TNRC6C: variants seen among roughly 807,000 people sequenced by gnomAD.
The protein encoded by TNRC6C is trinucleotide repeat containing adaptor 6C.
In TNRC6C, 20 loss-of-function variants were observed where a neutral mutation model predicts 153.7. The ratio of observed to expected loss-of-function variants is 0.13; its 90% CI spans 0.09 to 0.19. The LOEUF is 0.19. Among genes scored for constraint, TNRC6C ranks in the 10% least tolerant of loss-of-function variants. The pLI, the probability that TNRC6C is intolerant of heterozygous loss-of-function variation, is 1.00. For synonymous variants in TNRC6C, 811 were observed against 841.4 expected (o/e 0.96, Z 0.63); for missense variants, 1,987 against 2,172.0 (o/e 0.91, Z 1.69).
At chr17:77,986,582 A>G (rs568229381) in intron 1 of TNRC6C, among the ~76,000 whole-genome samples, 4 of 152,342 alleles carry the variant, frequency 2.6e-5, no homozygotes, top group Admixed American at 6.5e-5. Context: ...GAGCATGACA[A>G]TATGGTTGTA....
intron 13 of TNRC6C, among the ~76,000 whole-genome samples, chr17:78,089,338 T>G (rs2073355388): frequency 6.6e-6 from 1 of 152,246 alleles, no homozygotes; most frequent in African/African-American, 2.4e-5. Context: ...ATCTTTGAAA[T>G]TAGTTGAAAA....
intron 1 of TNRC6C, among the ~76,000 whole-genome samples, chr17:77,996,950 A>G (rs2071337716): frequency 6.6e-6 from 1 of 152,174 alleles, no homozygotes; most frequent in Non-Finnish European, 1.5e-5. Flanking sequence ...CAGTTCATCA[A>G]CCTTATTTCA....
intron 9 of TNRC6C, among the ~76,000 whole-genome samples, chr17:78,078,386 A>G (rs1277750970): frequency 2.0e-5 from 3 of 152,240 alleles, no homozygotes; most frequent in Non-Finnish European, 4.4e-5. Context: ...AACTACAGCT[A>G]CAATATCTTT....
intron 16 of TNRC6C, among the ~76,000 whole-genome samples, chr17:78,096,234 A>G (rs2073483944): frequency 3.9e-5 from 6 of 152,142 alleles, no homozygotes; most frequent in Admixed American, 3.9e-4. Flanking sequence ...AACACAAAGA[A>G]GGGAGCAGCA....
chr17:78,090,126 C>T (rs980808545), intron 13 of TNRC6C, among the ~76,000 whole-genome samples: 1 of 152,168 alleles, frequency 6.6e-6, no homozygotes, highest in Non-Finnish European at 1.5e-5. Flanking sequence ...GTTAGGTCTG[C>T]GAAGTGTGTG....
chr17:78,106,536 ACAAAAC>A (rs2073699031), exon 20 of TNRC6C: 1 of 149,518 alleles, frequency 6.7e-6, no homozygotes, highest in African/African-American at 2.5e-5. Flanking sequence ...AAAAAAAAAA[ACAAAAC>A]AAAACAAAAA....
At chr17:78,004,015 T>A (rs1324598903), upstream of TNRC6C, 3 of 739,858 alleles carry the variant, frequency 4.1e-6, no homozygotes, top group Non-Finnish European at 5.0e-6. Flanking sequence ...CCTGCAGTGC[T>A]GTTAGGGAAG....
At chr17:78,039,793 G>T (rs182834539) in intron 2 of TNRC6C, among the ~76,000 whole-genome samples, 5 of 152,346 alleles carry the variant, frequency 3.3e-5, no homozygotes, top group Non-Finnish European at 7.3e-5. Flanking sequence ...ACAAGCCCGA[G>T]AGGAGGAGGG....
In TNRC6C at chr17:78,042,607, A is replaced by G. The variant is rs1271668795; in HGVS notation, c.-218-6238A>G. ...AACGAAATTTAACCTTTTAGACTGC[A>G]TTTTCATTTTTGGAGTAAATCCTGG... On this transcript the variant is annotated intron_variant, in intron 2 of 19. Coordinates refer to ENST00000301624, the Ensembl canonical transcript of TNRC6C. Among the ~76,000 whole-genome samples the G allele has an allele frequency of 4.7e-5, 7 of 147,782 alleles. No individual in the cohort carries two copies. The East Asian group carries it at 1.4e-3, about 29-fold the overall frequency.
intron 11 of TNRC6C, among the ~76,000 whole-genome samples, chr17:78,086,022 C>G (rs942797552): frequency 3.9e-5 from 6 of 151,966 alleles, no homozygotes; most frequent in African/African-American, 1.4e-4. Context: ...TAAAAGTGCT[C>G]TGTGCCTCCA....
chr17:78,067,275 G>T (rs2072900418), intron 4 of TNRC6C, among the ~76,000 whole-genome samples: 1 of 152,184 alleles, frequency 6.6e-6, no homozygotes, highest in African/African-American at 2.4e-5. Context: ...GAGCCCAGGA[G>T]TTTGAGGTTG....
chr17:78,052,506 G>A (rs1195841004), intron 3 of TNRC6C, among the ~76,000 whole-genome samples: 2 of 152,206 alleles, frequency 1.3e-5, no homozygotes, highest in South Asian at 2.1e-4. Flanking sequence ...AAGTATATAC[G>A]TAGTGTTGGG....
intron 16 of TNRC6C, among the ~76,000 whole-genome samples, chr17:78,096,886 T>C (rs1476888093): frequency 6.6e-6 from 1 of 152,168 alleles, no homozygotes; most frequent in East Asian, 1.9e-4. Context: ...GGAGCTGAGC[T>C]TTTACACAAG....
At chr17:78,046,020 C>T (rs1387754814) in intron 2 of TNRC6C, among the ~76,000 whole-genome samples, 1 of 151,974 alleles carries the variant, frequency 6.6e-6, no homozygotes, top group African/African-American at 2.4e-5. Flanking sequence ...GTGTCACTTT[C>T]ATCTACAGTG....
intron 1 of TNRC6C, among the ~76,000 whole-genome samples, chr17:77,968,633 G>A (rs966277726): frequency 5.9e-5 from 9 of 152,132 alleles, no homozygotes; most frequent in Non-Finnish European, 7.4e-5. Flanking sequence ...GTGAGCCACC[G>A]TGCCCGGCCC....
intron 1 of TNRC6C, among the ~76,000 whole-genome samples, chr17:78,028,439 G>A (rs976124024): frequency 6.6e-6 from 1 of 152,176 alleles, no homozygotes; most frequent in Non-Finnish European, 1.5e-5. Context: ...CAAACTGCAT[G>A]TCACATGATT....
chr17:78,010,927 A>G (rs569300780), intron 1 of TNRC6C, among the ~76,000 whole-genome samples: 2 of 152,352 alleles, frequency 1.3e-5, no homozygotes, highest in East Asian at 1.9e-4. Flanking sequence ...ATTGTGAAAC[A>G]AAGGAAGTGA....
intron 1 of TNRC6C, among the ~76,000 whole-genome samples, chr17:77,974,763 C>T (rs774451715): frequency 1.3e-5 from 2 of 152,216 alleles, no homozygotes; most frequent in Non-Finnish European, 2.9e-5. Flanking sequence ...TGCTATGTTT[C>T]CAAGAACAAA....
In TNRC6C at chr17:78,023,125, T is replaced by TA. The variant is rs941129642; in HGVS notation, c.-545-8381dup. On this transcript the variant is annotated intron_variant, in intron 1 of 19. Coordinates refer to ENST00000301624, the Ensembl canonical transcript of TNRC6C. ...GGGCAACACAGTGAGACTCCGTCTC[T>TA]AAAAAAAAAATTAAAAATTAACAAC... Among the ~76,000 whole-genome samples the TA allele has an allele frequency of 3.2e-4, 48 of 149,840 alleles. No homozygotes were observed. The East Asian group carries it at 6.4e-3, about 20-fold the overall frequency.
Sources: allele counts gnomAD v4.1 joint callset (sites outside exome capture counted in the v4.1 genomes callset), GRCh38; gene constraint gnomAD v4.1.1; transcripts MANE v1.5; gene names NCBI Gene and HGNC (gene_info 2026-07-23, HGNC 2026-07-21).